Variants in OLFML2B observed in about 807,000 individuals in gnomAD.
OLFML2B encodes olfactomedin like 2B, also known as olfactomedin-like protein 2B.
A neutral mutation model predicts 74.9 loss-of-function variants in OLFML2B; 57 were observed. The ratio of observed to expected loss-of-function variants is 0.76; its 90% CI spans 0.61 to 0.95. The LOEUF (loss-of-function observed/expected upper bound fraction) is 0.95. Among genes scored for constraint, OLFML2B ranks in the 40% least tolerant of loss-of-function variants. The pLI, the probability that OLFML2B is intolerant of heterozygous loss-of-function variation, is 0.00. For synonymous variants in OLFML2B, 388 were observed against 405.8 expected (o/e 0.96, Z 0.53); for missense variants, 986 against 970.6 (o/e 1.02, Z -0.21).
chr1:162,012,904 T>G (rs1340360040), intron 3 of OLFML2B, among the ~76,000 whole-genome samples: 1 of 152,216 alleles, frequency 6.6e-6, no homozygotes, highest in Non-Finnish European at 1.5e-5. Flanking sequence ...TCTGTCCCTC[T>G]GTTTGTCTTT....
chr1:162,017,175 GA>G (rs1242346859), intron 3 of OLFML2B, among the ~76,000 whole-genome samples: 2 of 151,952 alleles, frequency 1.3e-5, no homozygotes, highest in Non-Finnish European at 1.5e-5. Flanking sequence ...GGGATTTTAT[GA>G]AAAAAAGAAG....
intron 5 of OLFML2B, among the ~76,000 whole-genome samples, chr1:161,998,941 C>T (rs530762332): frequency 9.2e-5 from 14 of 152,252 alleles, no homozygotes; most frequent in Admixed American, 2.0e-4. Flanking sequence ...GAGCAGCCAT[C>T]GGGCACAAAG....
intron 7 of OLFML2B, 111 bp downstream of exon 7, chr1:161,984,692 GA>G (rs1689536213): frequency 9.0e-7 from 1 of 1,110,210 alleles, no homozygotes; most frequent in East Asian, 2.4e-5. Context: ...GCCATCAGAA[GA>G]AGGTGTCATC....
chr1:161,991,461 G>A lies in OLFML2B; in HGVS notation c.1474+6364C>T, dbSNP rs182328681. 2.4e-3 allele frequency among the ~76,000 whole-genome samples: 365 copies of A among 152,266 alleles called. 3 individuals carry two copies. Among genetic ancestry groups the A allele is most frequent in the Middle Eastern group, 6.8e-3 (2 of 294 alleles). On this transcript the variant is annotated intron_variant, in intron 6 of 7. Transcript: ENST00000294794. ...TTTTAAAATAATCTCCTGGCCAGGCGCGGTGGCTCACACCTGTAATCCCAG... is the reference window on the plus strand; with the variant it reads ...TTTTAAAATAATCTCCTGGCCAGGCACGGTGGCTCACACCTGTAATCCCAG...
Position 162,000,091 on chromosome 1 carries a change from G to A in OLFML2B, c.949+22C>T, listed in dbSNP as rs766991993. 15 of 1,549,650 alleles carry A rather than the reference G, an allele frequency of 9.7e-6. No homozygotes were observed. In the South Asian group the frequency reaches 1.4e-4, roughly 15 times the overall value. On this transcript the variant is annotated intron_variant, in intron 5 of 7. Coordinates refer to ENST00000294794, the MANE Select transcript of OLFML2B (RefSeq NM_015441.3). ...TTCCTCCCTACCCTGCCTCTGGGGCGGCCCTGTTGACCCCAACTCACGCTG... is the reference window on the plus strand; with the variant it reads ...TTCCTCCCTACCCTGCCTCTGGGGCAGCCCTGTTGACCCCAACTCACGCTG...
intron 6 of OLFML2B, 147 bp downstream of exon 6, chr1:161,997,678 T>C (rs893810770): frequency 4.7e-6 from 4 of 845,684 alleles, no homozygotes; most frequent in African/African-American, 1.7e-5. Context: ...ATGTTAAAAC[T>C]AATCGTTGGT....
intron 6 of OLFML2B, among the ~76,000 whole-genome samples, chr1:161,985,856 A>G (rs1689579873): frequency 6.6e-6 from 1 of 152,108 alleles, no homozygotes; most frequent in Non-Finnish European, 1.5e-5. Context: ...TGGGACAGGA[A>G]CTCAGCAACG....
In OLFML2B at chr1:161,984,879, C is replaced by T. The variant is rs763638076; in HGVS notation, c.1576G>A (p.Glu526Lys). 1.9e-6 allele frequency: 3 copies of T among 1,612,510 alleles called. No individual in the cohort carries two copies. Among genetic ancestry groups the T allele is most frequent in the Non-Finnish European group, 2.5e-6 (3 of 1,179,826 alleles). Residue 526 changes from glutamate (E) to lysine (K), a missense_variant, in exon 7 of 8, where the codon GAG becomes AAG. Transcript: ENST00000294794. Reference protein sequence around the residue: ...AWMKDPLAKDERIYVTNYYYG... With the variant: ...AWMKDPLAKDKRIYVTNYYYG... ...TAATAGTTGGTTACGTAAATCCGCT[C>T]ATCCTTGGCCAGGGGGTCCTTCATC...
intron 1 of OLFML2B, among the ~76,000 whole-genome samples, chr1:162,020,490 G>A (rs149370024): frequency 1.3e-5 from 2 of 152,092 alleles, no homozygotes; most frequent in African/African-American, 4.8e-5. Flanking sequence ...TTTGCCTTCT[G>A]CTACAATCCA....
intron 2 of OLFML2B, among the ~76,000 whole-genome samples, chr1:162,018,112 C>T (rs1008062068): frequency 6.6e-6 from 1 of 152,092 alleles, no homozygotes; most frequent in Non-Finnish European, 1.5e-5. Flanking sequence ...AAGGGAATAA[C>T]AGATGCTAAG....
intron 4 of OLFML2B, among the ~76,000 whole-genome samples, chr1:162,005,902 C>CTAA (rs368990706): frequency 0.026 from 1,985 of 77,824 alleles, 186 homozygotes; most frequent in African/African-American, 0.054. Flanking sequence ...TGGAACCTAT[C>CTAA]AAAAAAAAAA....
At chr1:162,015,210 A>T (rs891655786) in intron 3 of OLFML2B, among the ~76,000 whole-genome samples, 1 of 152,254 alleles carries the variant, frequency 6.6e-6, no homozygotes, top group Admixed American at 6.5e-5. Context: ...TGATGTAACT[A>T]AAACTGTTTT....
Position 162,008,919 on chromosome 1 carries a change from C to T in OLFML2B, c.547-2446G>A, listed in dbSNP as rs938414026. Among the ~76,000 whole-genome samples, 15 of 152,352 alleles carry T rather than the reference C, an allele frequency of 9.8e-5. 2 individuals are homozygous for T. In the South Asian group the frequency reaches 2.3e-3, roughly 23 times the overall value. ...GCCCCTTAGTGGGATTCAAGCATTT[C>T]TGTAATCCATCAGCACCTGCTGAGA... On this transcript the variant is annotated intron_variant, in intron 3 of 7. Transcript: ENST00000294794.
intron 3 of OLFML2B, among the ~76,000 whole-genome samples, chr1:162,013,466 T>G (rs971857996): frequency 7.9e-5 from 12 of 152,314 alleles, no homozygotes; most frequent in African/African-American, 2.9e-4. Context: ...TGACAAAAAC[T>G]AGAAAGTCTG....
chr1:161,998,554 G>T (rs563919514), intron 5 of OLFML2B, among the ~76,000 whole-genome samples: 16 of 152,304 alleles, frequency 1.1e-4, no homozygotes, highest in African/African-American at 3.8e-4. Context: ...GGGTTTCTCT[G>T]AATAGACTGC....
At chr1:162,023,202 T>C in intron 1 of OLFML2B, 55 bp downstream of exon 1, 2 of 1,434,286 alleles carry the variant, frequency 1.4e-6, no homozygotes, top group Non-Finnish European at 1.9e-6. Context: ...GACCAGCTTC[T>C]GGCTCTCACC....
chr1:161,988,937 G>A (rs1689661847), intron 6 of OLFML2B, among the ~76,000 whole-genome samples: 1 of 152,128 alleles, frequency 6.6e-6, no homozygotes. Context: ...GAAAGCCATG[G>A]CACACCATCC....
Position 161,983,877 on chromosome 1 carries a change from T to G in OLFML2B, c.2051A>C (p.Tyr684Ser), listed in dbSNP as rs1689500565. ...GNCFVICGVL[Y>S]AVDSYNQRNA... ...CCGCTGGTTGTAGCTATCCACGGCA[T>G]ACAGCACCCCACAGATGACGAAGCA... The change falls in exon 8 of 8, where the codon TAT (tyrosine) becomes TCT (serine). Residue 684 changes from tyrosine (Y) to serine (S), a missense_variant. Tyr to Ser is a moderately radical substitution (Grantham distance 144, BLOSUM62 -2). Coordinates refer to ENST00000294794, the MANE Select transcript of OLFML2B (RefSeq NM_015441.3). 2 of 1,614,078 alleles carry G rather than the reference T, an allele frequency of 1.2e-6. No individual in the cohort carries two copies. Among genetic ancestry groups the G allele is most frequent in the Admixed American group, 1.7e-5 (1 of 60,014 alleles).
chr1:162,005,732 A>G (rs1365035098), intron 4 of OLFML2B, among the ~76,000 whole-genome samples: 1 of 151,988 alleles, frequency 6.6e-6, no homozygotes, highest in Admixed American at 6.6e-5. Context: ...AAGACCCTGT[A>G]TTTACAAAAA....
Sources: gnomAD v4.1 joint callset for allele counts (sites outside exome capture counted in the v4.1 genomes callset) on GRCh38, gnomAD v4.1.1 for gene constraint, MANE v1.5 for transcripts, NCBI Gene and HGNC (gene_info 2026-07-23, HGNC 2026-07-21) for gene names.